Variants in LRRC37A2 observed in about 807,000 individuals in gnomAD.
The protein encoded by LRRC37A2 is leucine rich repeat containing 37 member A2.
LRRC37A2 carries 9 observed loss-of-function variants against 68.8 expected under a neutral mutation model. The observed-to-expected ratio is 0.13, with a 90% CI of 0.08 to 0.23. The LOEUF (loss-of-function observed/expected upper bound fraction) is 0.23, where lower values mean the gene tolerates loss of function less well. Ranked by LOEUF, LRRC37A2 falls within the 10% of genes least tolerant of loss-of-function variation. The pLI is 1.00. For missense variants in LRRC37A2, 168 were observed against 950.4 expected (o/e 0.18, Z 10.82); for synonymous variants, 63 against 367.6 (o/e 0.17, Z 9.48).
At chr17:46,945,114 G>A in the LRRC37A2 span, among the ~76,000 whole-genome samples, 1 of 152,204 alleles carries the variant, frequency 6.6e-6, no homozygotes. Flanking sequence ...CGAGGTGATG[G>A]GTGTGTGAAG....
the LRRC37A2 span, chr17:46,851,805 T>A: frequency 9.0e-6 from 6 of 664,110 alleles, no homozygotes; most frequent in Non-Finnish European, 1.3e-5. The surrounding 1 kb of genome is among the most constrained non-coding windows in gnomAD (Gnocchi z 4.3). Flanking sequence ...CCTCCCGCTG[T>A]CCTTGGCCCC....
chr17:46,769,315 CAAAA>C, the LRRC37A2 span, among the ~76,000 whole-genome samples: 5 of 102,848 alleles, frequency 4.9e-5, no homozygotes, highest in Non-Finnish European at 6.1e-5. Flanking sequence ...GACTCCGTCT[CAAAA>C]AAAAAAAAAA....
At chr17:46,951,346 A>G in the LRRC37A2 span, among the ~76,000 whole-genome samples, 1 of 152,240 alleles carries the variant, frequency 6.6e-6, no homozygotes, top group East Asian at 1.9e-4. Flanking sequence ...GCCCATTTCC[A>G]TGACAACAGC....
chr17:46,930,842 C>A, the LRRC37A2 span: 1 of 414,270 alleles, frequency 2.4e-6, no homozygotes, highest in South Asian at 3.2e-5. Context: ...AAATTTATTT[C>A]TACAGATTTA....
the LRRC37A2 span, among the ~76,000 whole-genome samples, chr17:46,745,450 G>A: frequency 2.6e-5 from 4 of 152,190 alleles, no homozygotes; most frequent in Non-Finnish European, 5.9e-5. Flanking sequence ...ATAAATTAGC[G>A]TCTCCAGTAT....
chr17:46,865,028 G>T, the LRRC37A2 span, among the ~76,000 whole-genome samples: 1 of 152,224 alleles, frequency 6.6e-6, no homozygotes, highest in African/African-American at 2.4e-5. Flanking sequence ...GACTCATAGA[G>T]GTGATGGATC....
the LRRC37A2 span, chr17:46,933,201 T>C: frequency 1.3e-5 from 2 of 152,278 alleles, no homozygotes; most frequent in Non-Finnish European, 2.9e-5. Context: ...TATTTTGTTT[T>C]TTGCCAGCCT....
the LRRC37A2 span, among the ~76,000 whole-genome samples, chr17:46,864,795 G>A: frequency 6.6e-6 from 1 of 152,062 alleles, no homozygotes; most frequent in African/African-American, 2.4e-5. Flanking sequence ...CGCCTTGGAC[G>A]ACCAATCTTG....
the LRRC37A2 span, among the ~76,000 whole-genome samples, chr17:46,845,587 T>C: frequency 6.6e-6 from 1 of 150,916 alleles, no homozygotes; most frequent in Non-Finnish European, 1.5e-5. Flanking sequence ...CCTCCTGGGT[T>C]CAAACGATTT....
chr17:46,896,450 GAA>G, the LRRC37A2 span, among the ~76,000 whole-genome samples: 16,057 of 53,888 alleles, frequency 0.3, 2,027 homozygotes, highest in African/African-American at 0.49. Context: ...AAGAAAGAAA[GAA>G]AAAGAAAGAA....
At chr17:46,840,959 AAGC>A in the LRRC37A2 span, among the ~76,000 whole-genome samples, 2 of 152,190 alleles carry the variant, frequency 1.3e-5, no homozygotes, top group Non-Finnish European at 2.9e-5. Flanking sequence ...TGGAGGCAGA[AAGC>A]AGCCGGTTCT....
the LRRC37A2 span, among the ~76,000 whole-genome samples, chr17:46,728,104 C>T: frequency 6.6e-6 from 1 of 152,006 alleles, no homozygotes; most frequent in Non-Finnish European, 1.5e-5. Flanking sequence ...GCTCTAAGCC[C>T]AGGGCAGAGG....
chr17:46,784,828 T>C, the LRRC37A2 span, among the ~76,000 whole-genome samples: 1 of 147,918 alleles, frequency 6.8e-6, no homozygotes, highest in East Asian at 2.1e-4. Context: ...CAGGCTGGAG[T>C]GCAGTGGCGC....
At chr17:46,824,963 T>C in the LRRC37A2 span, among the ~76,000 whole-genome samples, 1 of 152,240 alleles carries the variant, frequency 6.6e-6, no homozygotes, top group Admixed American at 6.5e-5. Flanking sequence ...CACTGCCACA[T>C]GGGGGCATCT....
chr17:46,931,328 G>A, the LRRC37A2 span: 3 of 705,370 alleles, frequency 4.3e-6, no homozygotes, highest in Non-Finnish European at 7.8e-6. Context: ...CTATGACTAT[G>A]CAAAGAAAAA....
the LRRC37A2 span, among the ~76,000 whole-genome samples, chr17:46,492,587 C>T: frequency 1.3e-5 from 2 of 150,238 alleles, no homozygotes; most frequent in African/African-American, 5.0e-5. Flanking sequence ...AAACTGTTTT[C>T]CAAAGTAGCT....
At chr17:47,019,393 A>T in the LRRC37A2 span, 1 of 1,610,990 alleles carries the variant, frequency 6.2e-7, no homozygotes, top group African/African-American at 1.4e-5. Flanking sequence ...CCTACTACAG[A>T]GGTTAAACCA....
At chr17:46,889,895 A>G in the LRRC37A2 span, among the ~76,000 whole-genome samples, 1 of 152,222 alleles carries the variant, frequency 6.6e-6, no homozygotes, top group Admixed American at 6.5e-5. Flanking sequence ...ATGAGGATCG[A>G]GATACTAACA....
the LRRC37A2 span, among the ~76,000 whole-genome samples, chr17:46,824,860 C>A: frequency 6.6e-6 from 1 of 152,198 alleles, no homozygotes; most frequent in African/African-American, 2.4e-5. Context: ...CCCCAGCTAC[C>A]CTGCTCTGTC....
Sources: gnomAD v4.1 joint callset for allele counts (sites outside exome capture counted in the v4.1 genomes callset) on GRCh38, gnomAD v4.1.1 for gene constraint, Gnocchi (gnomAD v3.1) non-coding constraint, MANE v1.5 for transcripts, NCBI Gene and HGNC (gene_info 2026-07-23, HGNC 2026-07-21) for gene names.